PLXNA4: variants seen among roughly 807,000 people sequenced by gnomAD.
The protein encoded by PLXNA4 is plexin A4, also known as plexin-A4.
In PLXNA4, 44 loss-of-function variants were observed where a neutral mutation model predicts 191.8. That is an observed-to-expected ratio of 0.23 (90% CI 0.18 to 0.29). PLXNA4 has a LOEUF of 0.29. Ranked by LOEUF, PLXNA4 falls within the 10% of genes least tolerant of loss-of-function variation. The pLI, the probability that PLXNA4 is intolerant of heterozygous loss-of-function variation, is 1.00. For missense variants in PLXNA4, 1,800 were observed against 2,488.8 expected, an observed-to-expected ratio of 0.72 and a Z score of 5.89; for synonymous variants, 1,082 against 1,009.5, an observed-to-expected ratio of 1.07 and a Z score of -1.36.
intron 3 of PLXNA4, among the ~76,000 whole-genome samples, chr7:132,462,049 T>G (rs1484290424): frequency 6.6e-6 from 1 of 152,094 alleles, no homozygotes; most frequent in African/African-American, 2.4e-5. Context: ...TCAAAAACAG[T>G]GTTTGAAAGG....
intron 2 of PLXNA4, among the ~76,000 whole-genome samples, chr7:132,590,141 C>T (rs1216185983): frequency 6.6e-6 from 1 of 152,132 alleles, no homozygotes; most frequent in Admixed American, 6.5e-5. Context: ...TCTGAAAAGA[C>T]CTCTGGGTCA....
chr7:132,300,643 C>T (rs1333129908), intron 3 of PLXNA4, among the ~76,000 whole-genome samples: 1 of 152,194 alleles, frequency 6.6e-6, no homozygotes, highest in African/African-American at 2.4e-5. Flanking sequence ...CTAGATGAAA[C>T]AGGAGTTCAT....
At chr7:132,168,259 G>A (rs1796179695) in intron 22 of PLXNA4, 45 bp downstream of exon 22, 2 of 1,481,832 alleles carry the variant, frequency 1.3e-6, no homozygotes, top group Non-Finnish European at 1.8e-6. Context: ...GGTGAGCCAG[G>A]TGCATGGCTA....
At chr7:132,390,075 C>A (rs1402118902) in intron 3 of PLXNA4, among the ~76,000 whole-genome samples, 1 of 152,010 alleles carries the variant, frequency 6.6e-6, no homozygotes, top group African/African-American at 2.4e-5. Flanking sequence ...GGGTATATAC[C>A]CAAAGTATTA....
chr7:132,242,892 T>C (rs1268573582), intron 4 of PLXNA4, among the ~76,000 whole-genome samples: 1 of 152,218 alleles, frequency 6.6e-6, no homozygotes, highest in Non-Finnish European at 1.5e-5. Context: ...TTCTGTTGCG[T>C]CTTTAATTTC....
intron 3 of PLXNA4, among the ~76,000 whole-genome samples, chr7:132,331,896 G>A (rs1042331892): frequency 2.0e-5 from 3 of 152,138 alleles, no homozygotes; most frequent in Non-Finnish European, 4.4e-5. Flanking sequence ...ATGCATCTGT[G>A]AGAAAGTGGA....
At chr7:132,553,670 T>C (rs934176802) in intron 1 of PLXNA4, among the ~76,000 whole-genome samples, 2 of 152,214 alleles carry the variant, frequency 1.3e-5, no homozygotes, top group Non-Finnish European at 1.5e-5. Flanking sequence ...TCATGCTTTC[T>C]CTTTCAACAA....
At chr7:132,365,359 G>GTGTGTGCGCGCGCA (rs1804121439) in intron 3 of PLXNA4, among the ~76,000 whole-genome samples, 1 of 116,994 alleles carries the variant, frequency 8.5e-6, no homozygotes, top group Admixed American at 8.1e-5. Context: ...GTGTGTGTGT[G>GTGTGTGCGCGCGCA]TGCGTGCGCG....
At chr7:132,639,047 G>A (rs184341414) in intron 2 of PLXNA4, among the ~76,000 whole-genome samples, 57 of 152,270 alleles carry the variant, frequency 3.7e-4, no homozygotes, top group Middle Eastern at 3.4e-3. Context: ...TGGCATCCCA[G>A]AGCAGCAACT....
intron 10 of PLXNA4, among the ~76,000 whole-genome samples, chr7:132,204,970 G>T (rs1478336480): frequency 1.3e-5 from 2 of 152,158 alleles, no homozygotes; most frequent in African/African-American, 4.8e-5. Context: ...GCGTGCCAGG[G>T]CCAGAGAGCT....
intron 30 of PLXNA4, 148 bp downstream of exon 30, chr7:132,140,451 G>A: frequency 1.7e-6 from 2 of 1,198,974 alleles, no homozygotes; most frequent in South Asian, 3.2e-5. Flanking sequence ...TGGGACTTGG[G>A]GGTGTGGGTG....
chr7:132,305,414 CTG>C (rs1170524336), intron 3 of PLXNA4, among the ~76,000 whole-genome samples: 2 of 130,140 alleles, frequency 1.5e-5, no homozygotes, highest in Non-Finnish European at 3.3e-5. Context: ...ACACTCTACT[CTG>C]GGTATCCAGG....
intron 5 of PLXNA4, among the ~76,000 whole-genome samples, chr7:132,235,851 T>C (rs1798682078): frequency 1.3e-5 from 2 of 152,156 alleles, no homozygotes; most frequent in South Asian, 2.1e-4. Context: ...ATAGCTGTGA[T>C]AGGGCGAAGG....
intron 3 of PLXNA4, among the ~76,000 whole-genome samples, chr7:132,338,293 C>T (rs1393190754): frequency 8.5e-5 from 13 of 152,192 alleles, no homozygotes; most frequent in Non-Finnish European, 1.9e-4. Context: ...AAATTCCTCT[C>T]GGCCTCTAAA....
intron 3 of PLXNA4, among the ~76,000 whole-genome samples, chr7:132,318,039 C>T (rs899227227): frequency 1.3e-5 from 2 of 152,186 alleles, no homozygotes; most frequent in African/African-American, 4.8e-5. Context: ...ACCCGAGTAA[C>T]CCGGTCAAAG....
At chr7:132,162,797 TC>T (rs1225325573) in intron 24 of PLXNA4, among the ~76,000 whole-genome samples, 1 of 152,070 alleles carries the variant, frequency 6.6e-6, no homozygotes, top group Non-Finnish European at 1.5e-5. Flanking sequence ...CTACTGGGAT[TC>T]CCGGGGCTTT....
At chr7:132,148,669 TC>T in intron 25 of PLXNA4, 23 bp from the exon 26 acceptor site, 6 of 1,613,996 alleles carry the variant, frequency 3.7e-6, no homozygotes, top group Non-Finnish European at 5.1e-6. Flanking sequence ...CGGTGGCGTT[TC>T]AGAGAGGCCC....
At chr7:132,573,306 G>A (rs1333676577) in intron 1 of PLXNA4, among the ~76,000 whole-genome samples, 2 of 152,104 alleles carry the variant, frequency 1.3e-5, no homozygotes, top group African/African-American at 2.4e-5. Flanking sequence ...CCACAGAGCC[G>A]CTCCAACAGG....
At chr7:132,486,504 G>A (rs553759232) in intron 3 of PLXNA4, among the ~76,000 whole-genome samples, 37 of 152,312 alleles carry the variant, frequency 2.4e-4, no homozygotes, top group East Asian at 9.6e-4. Context: ...CTGCAGGCAC[G>A]GGAGCCGGGC....
Sources: allele counts gnomAD v4.1 joint callset (sites outside exome capture counted in the v4.1 genomes callset), GRCh38; gene constraint gnomAD v4.1.1; transcripts MANE v1.5; gene names NCBI Gene and HGNC (gene_info 2026-07-23, HGNC 2026-07-21).